The following CNBD1 variants were observed in gnomAD, a reference collection of about 807,000 sequenced individuals.
CNBD1 encodes cyclic nucleotide-binding domain-containing protein 1.
CNBD1 carries 71 observed loss-of-function variants against 54.4 expected under a neutral mutation model. That is an observed-to-expected ratio of 1.30 (90% CI 1.08 to 1.59). The LOEUF is 1.59. Among genes scored for constraint, CNBD1 ranks in the 40% most tolerant of loss-of-function variants. CNBD1 has a pLI of 0.00. For synonymous variants in CNBD1, 182 were observed against 170.7 expected (o/e 1.07, Z -0.51); for missense variants, 659 against 518.0 (o/e 1.27, Z -2.64).
chr8:87,245,671 T>C (rs1397106085), intron 6 of CNBD1, among the ~76,000 whole-genome samples: 3 of 152,064 alleles, frequency 2.0e-5, no homozygotes, highest in African/African-American at 4.8e-5. Flanking sequence ...TTTATGGATG[T>C]TTGCATGCCT....
At chr8:86,985,794 G>A (rs1808592817) in intron 4 of CNBD1, among the ~76,000 whole-genome samples, 1 of 152,188 alleles carries the variant, frequency 6.6e-6, no homozygotes, top group Non-Finnish European at 1.5e-5. Flanking sequence ...AACAGTGAGT[G>A]AACTAACTTG....
At chr8:87,266,859 T>A (rs1370724876) in intron 6 of CNBD1, among the ~76,000 whole-genome samples, 1 of 152,106 alleles carries the variant, frequency 6.6e-6, no homozygotes, top group Non-Finnish European at 1.5e-5. Context: ...TAAAACTGCA[T>A]GCCTACTTTA....
At chr8:86,930,065 A>T (rs1360488031) in intron 3 of CNBD1, among the ~76,000 whole-genome samples, 1 of 152,126 alleles carries the variant, frequency 6.6e-6, no homozygotes, top group East Asian at 1.9e-4. Context: ...ATTCTCCTAG[A>T]TGAGTATTTG....
chr8:86,877,136 AT>A (rs1476654291), intron 1 of CNBD1, among the ~76,000 whole-genome samples: 2 of 152,136 alleles, frequency 1.3e-5, no homozygotes, highest in South Asian at 4.1e-4. Flanking sequence ...TTTAAATGTT[AT>A]TAAATATTAT....
chr8:87,418,160 T>A (rs933803968), intron 2 of CNBD1, among the ~76,000 whole-genome samples: 3 of 152,004 alleles, frequency 2.0e-5, no homozygotes, highest in African/African-American at 7.2e-5. Context: ...TCTGCATTAG[T>A]CATACTTGTG....
intron 4 of CNBD1, among the ~76,000 whole-genome samples, chr8:87,114,209 A>G (rs1472881828): frequency 1.3e-5 from 2 of 152,222 alleles, no homozygotes; most frequent in African/African-American, 4.8e-5. Context: ...AAATATCTCT[A>G]TACATTCAGA....
chr8:87,328,989 C>T (rs1809753576), intron 8 of CNBD1, among the ~76,000 whole-genome samples: 1 of 151,928 alleles, frequency 6.6e-6, no homozygotes, highest in South Asian at 2.1e-4. Context: ...TCTAGATTTT[C>T]TATCTTCTAG....
intron 10 of CNBD1, among the ~76,000 whole-genome samples, chr8:87,376,692 T>C (rs912298734): frequency 6.6e-6 from 1 of 151,980 alleles, no homozygotes; most frequent in Non-Finnish European, 1.5e-5. Flanking sequence ...TTCTGCATTA[T>C]TTCATTTCAT....
chr8:87,272,499 T>C (rs187185229), intron 6 of CNBD1, among the ~76,000 whole-genome samples: 5 of 152,094 alleles, frequency 3.3e-5, no homozygotes, highest in Admixed American at 1.3e-4. Context: ...TAAATGAAAA[T>C]GTGAGCAATT....
intron 4 of CNBD1, among the ~76,000 whole-genome samples, chr8:87,093,209 C>T (rs1455042570): frequency 6.6e-6 from 1 of 152,152 alleles, no homozygotes; most frequent in Non-Finnish European, 1.5e-5. Flanking sequence ...TGAGTCTTTC[C>T]ATTCGTGGGA....
chr8:86,888,152 C>T (rs1417978539), intron 2 of CNBD1, among the ~76,000 whole-genome samples: 1 of 152,144 alleles, frequency 6.6e-6, no homozygotes, highest in Admixed American at 6.5e-5. Context: ...TCTTACCTTC[C>T]TTCACTCATC....
chr8:87,248,629 A>G (rs1265561885), intron 6 of CNBD1, among the ~76,000 whole-genome samples: 1 of 152,170 alleles, frequency 6.6e-6, no homozygotes. Context: ...ATAAAGCAGG[A>G]TTGGAGAATG....
chr8:87,018,521 A>T (rs113650113), intron 4 of CNBD1, among the ~76,000 whole-genome samples: 23 of 152,172 alleles, frequency 1.5e-4, no homozygotes, highest in African/African-American at 5.3e-4. Context: ...CTACATTATA[A>T]TTTTTCTTCA....
chr8:87,236,695 T>C (rs7004397), intron 5 of CNBD1, among the ~76,000 whole-genome samples: 8,580 of 152,168 alleles, frequency 0.056, 785 homozygotes, highest in African/African-American at 0.18. Context: ...ATAGCTACTA[T>C]ATGTAATTGT....
chr8:87,254,258 G>A (rs1201726727), intron 6 of CNBD1, among the ~76,000 whole-genome samples: 3 of 152,126 alleles, frequency 2.0e-5, no homozygotes, highest in African/African-American at 7.2e-5. Context: ...TAAAAAGAAG[G>A]CAGTAAGAGG....
chr8:87,040,824 A>G (rs531351328), intron 4 of CNBD1, among the ~76,000 whole-genome samples: 40 of 151,246 alleles, frequency 2.6e-4, no homozygotes, highest in Non-Finnish European at 4.7e-4. Context: ...TTATTATTCA[A>G]TAATAAATAT....
chr8:86,996,516 C>A (rs944089654), intron 4 of CNBD1, among the ~76,000 whole-genome samples: 18 of 152,144 alleles, frequency 1.2e-4, no homozygotes, highest in African/African-American at 3.6e-4. Flanking sequence ...ATTTATACAT[C>A]AATTATTTGT....
chr8:87,295,203 T>C (rs1808857128), intron 8 of CNBD1, among the ~76,000 whole-genome samples: 1 of 151,884 alleles, frequency 6.6e-6, no homozygotes, highest in African/African-American at 2.4e-5. Context: ...CATTAAAATA[T>C]AATGTTATAG....
intron 10 of CNBD1, among the ~76,000 whole-genome samples, chr8:87,362,559 T>C (rs1810544149): frequency 6.6e-6 from 1 of 152,026 alleles, no homozygotes; most frequent in Non-Finnish European, 1.5e-5. Context: ...ATCATAACCT[T>C]ATTTACATTT....
Sources: gnomAD v4.1 joint callset for allele counts (sites outside exome capture counted in the v4.1 genomes callset) on GRCh38, gnomAD v4.1.1 for gene constraint, MANE v1.5 for transcripts, NCBI Gene and HGNC (gene_info 2026-07-23, HGNC 2026-07-21) for gene names.